ACOXL: variants seen among roughly 807,000 people sequenced by gnomAD.
ACOXL encodes acyl-CoA oxidase like.
In ACOXL, 70 loss-of-function variants were observed where a neutral mutation model predicts 71.9. The ratio of observed to expected loss-of-function variants is 0.97; its 90% CI spans 0.80 to 1.19. ACOXL has a LOEUF of 1.19. ACOXL is among the 50% of genes most tolerant of loss of function. The probability of loss-of-function intolerance (pLI) is 0.00; values close to 1 mark genes in which losing one functional copy is unlikely to be tolerated. For synonymous variants in ACOXL, 253 were observed against 281.6 expected (o/e 0.90, Z 1.02); for missense variants, 703 against 736.3 (o/e 0.95, Z 0.52).
chr2:110,935,067 C>T (rs1045104524), intron 12 of ACOXL, among the ~76,000 whole-genome samples: 1 of 151,638 alleles, frequency 6.6e-6, no homozygotes, highest in Non-Finnish European at 1.5e-5. Flanking sequence ...GAACACAGCC[C>T]AGGGATTCGG....
intron 14 of ACOXL, among the ~76,000 whole-genome samples, chr2:111,012,010 T>TA (rs61510334): frequency 0.81 from 123,010 of 152,030 alleles, 50,053 homozygotes; most frequent in Middle Eastern, 0.91. Context: ...TAATAGAGAT[T>TA]AAAAATACAT....
chr2:110,735,248 A>G (rs1676684807), intron 1 of ACOXL, among the ~76,000 whole-genome samples: 1 of 152,218 alleles, frequency 6.6e-6, no homozygotes, highest in South Asian at 2.1e-4. Context: ...TGATTTCTGG[A>G]TGTTTTAACA....
At chr2:110,745,191 T>G (rs1439270862) in intron 1 of ACOXL, among the ~76,000 whole-genome samples, 1 of 152,202 alleles carries the variant, frequency 6.6e-6, no homozygotes, top group Non-Finnish European at 1.5e-5. Context: ...GGTGGCACTT[T>G]CAGGAATCCC....
chr2:110,804,773 C>T (rs1686423483), intron 8 of ACOXL, among the ~76,000 whole-genome samples: 1 of 151,910 alleles, frequency 6.6e-6, no homozygotes, highest in Non-Finnish European at 1.5e-5. Context: ...GAATTTTTTC[C>T]CAGAACAGGC....
At chr2:110,968,405 A>G in intron 12 of ACOXL, 1 of 1,146,100 alleles carries the variant, frequency 8.7e-7, no homozygotes, top group Non-Finnish European at 1.3e-6. Context: ...AAGGAATTTA[A>G]TGCAGAAGTA....
At chr2:110,906,813 C>T (rs2059468969) in intron 10 of ACOXL, among the ~76,000 whole-genome samples, 2 of 152,276 alleles carry the variant, frequency 1.3e-5, no homozygotes, top group South Asian at 4.1e-4. Context: ...ACTCAGCCTT[C>T]TTGACCTGGT....
chr2:111,113,809 A>G (rs2070153816), intron 17 of ACOXL, among the ~76,000 whole-genome samples: 1 of 152,212 alleles, frequency 6.6e-6, no homozygotes, highest in African/African-American at 2.4e-5. Context: ...TTTTAGATTA[A>G]AAGATGTTTG....
intron 14 of ACOXL, among the ~76,000 whole-genome samples, chr2:111,007,838 A>G (rs547301893): frequency 1.6e-4 from 24 of 152,354 alleles, no homozygotes; most frequent in Middle Eastern, 3.4e-3. Context: ...TATATTAGAA[A>G]TCATGAGTTT....
chr2:110,806,264 GTGGCCATCAACACGCGTACGCGGCC>G (rs1424177248), intron 9 of ACOXL, among the ~76,000 whole-genome samples: 2 of 152,238 alleles, frequency 1.3e-5, no homozygotes, highest in Non-Finnish European at 2.9e-5. Context: ...GGGCACAGCT[GTGGCCATCAACACGCGTACGCGGCC>G]TGGCCTCGTG....
At chr2:110,805,202 C>G (rs1323997072) in intron 8 of ACOXL, 61 bp from the exon 9 acceptor site, 7 of 1,598,854 alleles carry the variant, frequency 4.4e-6, no homozygotes, top group Non-Finnish European at 6.0e-6. Context: ...AGCCACCTGA[C>G]TTCGTTTCTG....
At chr2:111,075,506 T>C (rs1318113423) in intron 16 of ACOXL, among the ~76,000 whole-genome samples, 2 of 152,082 alleles carry the variant, frequency 1.3e-5, no homozygotes, top group African/African-American at 4.8e-5. Context: ...CTTTATCAAT[T>C]ATCTTTTTGA....
rs544506388 is a variant in ACOXL at position 110,861,251 on chromosome 2, CT to C, written c.788+19851del. 2.3e-3 allele frequency among the ~76,000 whole-genome samples: 352 copies of C among 152,230 alleles called. 3 individuals are homozygous for C. Among genetic ancestry groups the C allele is most frequent in the Non-Finnish European group, 4.4e-3 (297 of 68,000 alleles). On this transcript the variant is annotated intron_variant, in intron 10 of 17. Transcript: ENST00000439055. ...GGCATTTTCAGAAACCTCTGACTTTCTTTTTGCTTGATTATAAAGCTCAATG... is the reference window on the plus strand; with the variant it reads ...GGCATTTTCAGAAACCTCTGACTTTCTTTTGCTTGATTATAAAGCTCAATG...
intron 14 of ACOXL, among the ~76,000 whole-genome samples, chr2:111,024,455 CCA>C (rs2064922811): frequency 6.6e-6 from 1 of 152,064 alleles, no homozygotes; most frequent in East Asian, 1.9e-4. Context: ...ATGTTGGAGA[CCA>C]CTGGCAACCA....
rs769254547 is a variant in ACOXL, at chr2:110,801,677, A to G, written c.573A>G (p.Ile191Met). Residue 191 changes from isoleucine (I) to methionine (M), a missense_variant, in exon 8 of 18, where the codon ATA (isoleucine) becomes ATG (methionine). Transcript: ENST00000439055. ...KEGLHGVDNG[I>M]LIFDKVRIPR... is the part of the protein sequence containing the mutation. Reference sequence around the variant, plus strand: ...GTCTGCATGGTGTGGACAATGGGATATTAATATTTGACAAGGTTCGGATAC... The same window carrying G: ...GTCTGCATGGTGTGGACAATGGGATGTTAATATTTGACAAGGTTCGGATAC... 8 of 1,614,034 alleles carry G rather than the reference A, an allele frequency of 5.0e-6. No homozygotes were observed. Among genetic ancestry groups the G allele is most frequent in the Non-Finnish European group, 6.8e-6 (8 of 1,179,998 alleles).
chr2:110,981,221 G>A (rs1353734510), intron 12 of ACOXL, among the ~76,000 whole-genome samples: 1 of 152,196 alleles, frequency 6.6e-6, no homozygotes, highest in African/African-American at 2.4e-5. Context: ...AATTAGGTGT[G>A]GTAGCAGGCG....
At chr2:110,994,157 C>T (rs1305969297) in intron 13 of ACOXL, among the ~76,000 whole-genome samples, 1 of 152,150 alleles carries the variant, frequency 6.6e-6, no homozygotes, top group Non-Finnish European at 1.5e-5. Context: ...AGCTAATTTC[C>T]AATATCAGCC....
At chr2:110,876,365 G>A (rs1695902644) in intron 10 of ACOXL, among the ~76,000 whole-genome samples, 1 of 152,210 alleles carries the variant, frequency 6.6e-6, no homozygotes, top group Non-Finnish European at 1.5e-5. Context: ...CTCCCCCGAG[G>A]TGCCTGTGGT....
At chr2:111,032,214 A>G (rs13012948) in intron 15 of ACOXL, among the ~76,000 whole-genome samples, 22,165 of 152,162 alleles carry the variant, frequency 0.15, 1,728 homozygotes, top group Middle Eastern at 0.23. Flanking sequence ...ACCAGGGGCA[A>G]TTTTGCAACG....
chr2:110,820,609 G>A (rs1254484199), intron 9 of ACOXL, among the ~76,000 whole-genome samples: 2 of 152,190 alleles, frequency 1.3e-5, no homozygotes, highest in East Asian at 3.9e-4. Context: ...CACAGCCACT[G>A]AGAGCGATAG....
Sources: gnomAD v4.1 joint callset for allele counts (sites outside exome capture counted in the v4.1 genomes callset) on GRCh38, gnomAD v4.1.1 for gene constraint, MANE v1.5 for transcripts, NCBI Gene and HGNC (gene_info 2026-07-23, HGNC 2026-07-21) for gene names.